CERKL: variants seen among roughly 807,000 people sequenced by gnomAD.
CERKL encodes the protein CERK like autophagy regulator.
A neutral mutation model predicts 63.4 loss-of-function variants in CERKL; 61 were observed. The observed-to-expected ratio is 0.96, with a 90% CI of 0.78 to 1.19. The LOEUF is 1.19. Ranked by LOEUF, CERKL falls within the 50% of genes most tolerant of loss-of-function variation. The pLI is 0.00. For synonymous variants in CERKL, 250 were observed against 230.5 expected (o/e 1.08, Z -0.77); for missense variants, 675 against 655.5 (o/e 1.03, Z -0.33).
At chr2:181,542,387 T>C (rs1311170381) in intron 11 of CERKL, among the ~76,000 whole-genome samples, 3 of 152,224 alleles carry the variant, frequency 2.0e-5, no homozygotes, top group African/African-American at 7.2e-5. Flanking sequence ...CACATTTTCC[T>C]TCCTGAATAC....
chr2:181,593,887 A>T (rs1047962182), intron 2 of CERKL, among the ~76,000 whole-genome samples: 3 of 151,492 alleles, frequency 2.0e-5, no homozygotes, highest in East Asian at 3.9e-4. Flanking sequence ...AAAAAAAAGA[A>T]TGTATTTTTG....
chr2:181,601,786 C>T (rs763972597), intron 2 of CERKL, among the ~76,000 whole-genome samples: 4 of 152,156 alleles, frequency 2.6e-5, no homozygotes, highest in Non-Finnish European at 5.9e-5. Flanking sequence ...GGTTTCTTCA[C>T]TCTCATTAGA....
At chr2:181,648,863 TA>T (rs1329734793) in intron 1 of CERKL, among the ~76,000 whole-genome samples, 1 of 152,194 alleles carries the variant, frequency 6.6e-6, no homozygotes, top group African/African-American at 2.4e-5. Flanking sequence ...TAGTTTATTA[TA>T]ACTACAAGAC....
At chr2:181,551,553 T>TA (rs200917645) in intron 5 of CERKL, among the ~76,000 whole-genome samples, 12 of 150,522 alleles carry the variant, frequency 8.0e-5, no homozygotes, top group South Asian at 2.1e-4. Flanking sequence ...AACAAACATA[T>TA]AAAAAAAAAG....
chr2:181,572,853 T>A (rs1166959112), intron 3 of CERKL, among the ~76,000 whole-genome samples: 1 of 150,630 alleles, frequency 6.6e-6, no homozygotes, highest in Non-Finnish European at 1.5e-5. Flanking sequence ...ATGATATTAT[T>A]AACATCTTGA....
intron 2 of CERKL, among the ~76,000 whole-genome samples, chr2:181,591,562 A>G (rs1684991546): frequency 6.6e-6 from 1 of 152,208 alleles, no homozygotes; most frequent in South Asian, 2.1e-4. Context: ...AACTCATTTC[A>G]GCAAGTTTAT....
chr2:181,556,349 C>T (rs374078152), intron 5 of CERKL, among the ~76,000 whole-genome samples: 1 of 151,960 alleles, frequency 6.6e-6, no homozygotes, highest in Admixed American at 6.6e-5. Flanking sequence ...CCCATTAACT[C>T]GTCATTTACA....
At chr2:181,557,821 A>G (rs1688276406) in intron 5 of CERKL, among the ~76,000 whole-genome samples, 2 of 151,618 alleles carry the variant, frequency 1.3e-5, no homozygotes. Context: ...TTCCTCAAAC[A>G]CTCCTGGGTT....
At chr2:181,573,909 G>C in intron 2 of CERKL, 25 bp from the exon 3 acceptor site, 1 of 1,608,806 alleles carries the variant, frequency 6.2e-7, no homozygotes, top group Non-Finnish European at 8.5e-7. Flanking sequence ...TAAAGACAAA[G>C]TTGTAAAGTC....
chr2:181,592,669 A>C (rs191946333), intron 2 of CERKL, among the ~76,000 whole-genome samples: 2 of 152,324 alleles, frequency 1.3e-5, no homozygotes, highest in African/African-American at 4.8e-5. Flanking sequence ...GTGTCAGGAG[A>C]GCATGGTGGG....
chr2:181,565,991 G>A (rs1049279792), intron 4 of CERKL, 67 bp downstream of exon 4: 2 of 1,086,322 alleles, frequency 1.8e-6, no homozygotes, highest in African/African-American at 3.2e-5. Flanking sequence ...CAAATATGTA[G>A]CTAAAACTAG....
chr2:181,565,574 G>T, intron 4 of CERKL: 3 of 1,172,776 alleles, frequency 2.6e-6, no homozygotes, highest in Non-Finnish European at 2.5e-6. Flanking sequence ...ATTTCTTATT[G>T]TTTCTGGAAA....
intron 1 of CERKL, among the ~76,000 whole-genome samples, chr2:181,609,742 C>T (rs1016638710): frequency 6.6e-6 from 1 of 151,694 alleles, no homozygotes; most frequent in Non-Finnish European, 1.5e-5. Flanking sequence ...AGGGGGAGTA[C>T]ACACCCTATC....
At chr2:181,623,030 G>T (rs764813597) in intron 1 of CERKL, among the ~76,000 whole-genome samples, 5 of 152,166 alleles carry the variant, frequency 3.3e-5, no homozygotes, top group Admixed American at 6.5e-5. Context: ...TCTTTAGAGA[G>T]ACTAAGTTCC....
chr2:181,568,654 C>CTCATTGGAG (rs1688763731), intron 3 of CERKL, among the ~76,000 whole-genome samples: 1 of 149,614 alleles, frequency 6.7e-6, no homozygotes, highest in African/African-American at 2.5e-5. Flanking sequence ...AAAGTAAATG[C>CTCATTGGAG]TCATTGGAGT....
intron 2 of CERKL, among the ~76,000 whole-genome samples, chr2:181,581,594 T>C (rs1434731151): frequency 1.3e-5 from 2 of 152,198 alleles, no homozygotes; most frequent in African/African-American, 4.8e-5. Context: ...AATAAGGCCA[T>C]GTTATTGCTG....
chr2:181,649,680 C>CA (rs1299543600), intron 1 of CERKL: 1 of 152,146 alleles, frequency 6.6e-6, no homozygotes, highest in Non-Finnish European at 1.5e-5. Flanking sequence ...CAAGTCTTAA[C>CA]AAATTTTAAA....
At chr2:181,637,233 T>C (rs1053639779) in intron 1 of CERKL, among the ~76,000 whole-genome samples, 4 of 152,226 alleles carry the variant, frequency 2.6e-5, no homozygotes, top group East Asian at 1.9e-4. Flanking sequence ...TTTGGTAATA[T>C]TGAGCAAAAT....
At position 181,558,221 on chromosome 2, in the gene CERKL, C is replaced by T. The variant is rs1333379347; in HGVS notation, c.820+345G>A. ...CTGTTTTGAAACTTCTTACCTGGTA[C>T]TGTGTAATCAACAGATTTTTTATGC... On this transcript the variant is annotated intron_variant, in intron 5 of 12. Coordinates refer to ENST00000410087, the MANE Select transcript of CERKL (RefSeq NM_201548.5). The surrounding 1 kb of genome is among the most constrained non-coding windows in gnomAD (Gnocchi z 4.2). 6.6e-6 allele frequency among the ~76,000 whole-genome samples: 1 copy of T among 152,120 alleles called. No homozygotes were observed. Among genetic ancestry groups the T allele is most frequent in the Admixed American group, 6.5e-5 (1 of 15,270 alleles).
Sources: gnomAD v4.1 joint callset for allele counts (sites outside exome capture counted in the v4.1 genomes callset) on GRCh38, gnomAD v4.1.1 for gene constraint, Gnocchi (gnomAD v3.1) non-coding constraint, MANE v1.5 for transcripts, NCBI Gene and HGNC (gene_info 2026-07-23, HGNC 2026-07-21) for gene names.